The following PARD3 variants were observed in gnomAD, a reference collection of about 807,000 sequenced individuals.
PARD3 encodes partitioning defective 3 homolog.
Under a neutral mutation model 155.4 loss-of-function variants are expected in PARD3, and 75 were observed. The ratio of observed to expected loss-of-function variants is 0.48; its 90% CI spans 0.40 to 0.58. PARD3 has a LOEUF of 0.58. Among genes scored for constraint, PARD3 ranks in the 20% least tolerant of loss-of-function variants. The pLI is 0.00. For missense variants in PARD3, 1,642 were observed against 1,721.7 expected (o/e 0.95, Z 0.82); for synonymous variants, 576 against 610.5 (o/e 0.94, Z 0.83).
At chr10:34,423,377 G>C (rs1244744822) in intron 5 of PARD3, among the ~76,000 whole-genome samples, 1 of 152,062 alleles carries the variant, frequency 6.6e-6, no homozygotes, top group Admixed American at 6.6e-5. Context: ...GGAGGAAAAA[G>C]TTCAAGAGAT....
chr10:34,536,761 T>C (rs1301747570), intron 2 of PARD3, among the ~76,000 whole-genome samples: 1 of 152,118 alleles, frequency 6.6e-6, no homozygotes, highest in Non-Finnish European at 1.5e-5. Context: ...TCCTGTCCCT[T>C]TGGGTTGGCA....
chr10:34,811,236 A>G (rs1740796479), intron 1 of PARD3, among the ~76,000 whole-genome samples: 1 of 152,134 alleles, frequency 6.6e-6, no homozygotes, highest in South Asian at 2.1e-4. Flanking sequence ...AGTCCTTCCT[A>G]CTGCACGAAG....
chr10:34,298,025 G>A (rs1174907337), intron 20 of PARD3, among the ~76,000 whole-genome samples: 1 of 152,200 alleles, frequency 6.6e-6, no homozygotes, highest in African/African-American at 2.4e-5. Flanking sequence ...TTAACTGGCT[G>A]TGAAGGGCAA....
intron 18 of PARD3, among the ~76,000 whole-genome samples, chr10:34,334,088 C>T (rs1835895176): frequency 6.6e-6 from 1 of 151,542 alleles, no homozygotes; most frequent in African/African-American, 2.4e-5. Flanking sequence ...AATTTTAAAA[C>T]AATATTTTAA....
At chr10:34,481,495 T>A (rs912018468) in intron 3 of PARD3, among the ~76,000 whole-genome samples, 1 of 152,154 alleles carries the variant, frequency 6.6e-6, no homozygotes, top group African/African-American at 2.4e-5. Context: ...AAACGTGGTA[T>A]CCCCAGGTCC....
chr10:34,364,134 T>C (rs1392565477), intron 12 of PARD3, among the ~76,000 whole-genome samples: 1 of 152,106 alleles, frequency 6.6e-6, no homozygotes, highest in Non-Finnish European at 1.5e-5. Context: ...GCAAAGGTGT[T>C]ATCTATAAAA....
At chr10:34,814,831 GTCCCCGCCGCCGCCCCC>G in intron 1 of PARD3, 28 bp downstream of exon 1, 2 of 1,255,396 alleles carry the variant, frequency 1.6e-6, no homozygotes, top group South Asian at 1.3e-5. Context: ...TCCCGGCGCC[GTCCCCGCCGCCGCCCCC>G]TCCCCGCCCG....
intron 2 of PARD3, among the ~76,000 whole-genome samples, chr10:34,542,573 C>CCGG (rs2083720256): frequency 6.6e-6 from 1 of 152,198 alleles, no homozygotes; most frequent in Non-Finnish European, 1.5e-5. Flanking sequence ...TTCATCCCAT[C>CCGG]TGGTGATCAC....
At chr10:34,579,543 T>C (rs1321517436) in intron 2 of PARD3, among the ~76,000 whole-genome samples, 1 of 148,114 alleles carries the variant, frequency 6.8e-6, no homozygotes, top group Non-Finnish European at 1.5e-5. Context: ...AAATAAAAGC[T>C]ACCATTTTCT....
chr10:34,385,570 G>A (rs1842271253), intron 7 of PARD3, among the ~76,000 whole-genome samples: 1 of 152,014 alleles, frequency 6.6e-6, no homozygotes, highest in Non-Finnish European at 1.5e-5. Flanking sequence ...CTAAAATTGA[G>A]AATCCAGTAT....
intron 2 of PARD3, among the ~76,000 whole-genome samples, chr10:34,648,105 CAT>C (rs778683429): frequency 1.3e-5 from 2 of 152,196 alleles, no homozygotes; most frequent in Non-Finnish European, 2.9e-5. Flanking sequence ...GCGGCCTGCA[CAT>C]GAGTCTGAGG....
chr10:34,425,924 A>G (rs559434629), intron 5 of PARD3, among the ~76,000 whole-genome samples: 14 of 152,138 alleles, frequency 9.2e-5, no homozygotes, highest in Non-Finnish European at 1.6e-4. Context: ...ACATCCACCT[A>G]TATTACTTCA....
chr10:34,514,828 G>T (rs956030670), intron 3 of PARD3, among the ~76,000 whole-genome samples: 1 of 152,150 alleles, frequency 6.6e-6, no homozygotes, highest in African/African-American at 2.4e-5. Context: ...TTGACGGAAA[G>T]TATGTTAATC....
intron 7 of PARD3, among the ~76,000 whole-genome samples, chr10:34,388,389 A>AG (rs1842554570): frequency 6.6e-6 from 1 of 152,232 alleles, no homozygotes; most frequent in African/African-American, 2.4e-5. Context: ...AACTGATAAC[A>AG]GCTAGACTGA....
chr10:34,175,482 T>C (rs1274973679), intron 22 of PARD3, among the ~76,000 whole-genome samples: 1 of 152,198 alleles, frequency 6.6e-6, no homozygotes, highest in African/African-American at 2.4e-5. Context: ...AGAGACTGGA[T>C]CATAAACTTG....
At chr10:34,384,018 C>A in intron 8 of PARD3, 111 bp downstream of exon 8, 1 of 1,019,254 alleles carries the variant, frequency 9.8e-7, no homozygotes, top group Non-Finnish European at 1.4e-6. Flanking sequence ...AGAAAATATT[C>A]CTCTCCAGTA....
At chr10:34,450,984 T>C (rs1183931275) in intron 4 of PARD3, among the ~76,000 whole-genome samples, 1 of 152,206 alleles carries the variant, frequency 6.6e-6, no homozygotes, top group Non-Finnish European at 1.5e-5. Context: ...CTTCACAAGA[T>C]AGCAGTCAGC....
At chr10:34,215,889 G>A (rs1327609039) in intron 22 of PARD3, among the ~76,000 whole-genome samples, 1 of 152,154 alleles carries the variant, frequency 6.6e-6, no homozygotes, top group Non-Finnish European at 1.5e-5. Flanking sequence ...CAAAATAATT[G>A]TCATCGGGTG....
intron 22 of PARD3, among the ~76,000 whole-genome samples, chr10:34,235,472 C>T (rs1953170698): frequency 6.6e-6 from 1 of 152,226 alleles, no homozygotes; most frequent in Non-Finnish European, 1.5e-5. Flanking sequence ...TTCTCTCCTA[C>T]TCATAGATAT....
Sources: allele counts gnomAD v4.1 joint callset (sites outside exome capture counted in the v4.1 genomes callset), GRCh38; gene constraint gnomAD v4.1.1; transcripts MANE v1.5; gene names NCBI Gene and HGNC (gene_info 2026-07-23, HGNC 2026-07-21).